The following IFT81 variants were observed in gnomAD, a reference collection of about 807,000 sequenced individuals.
The protein encoded by IFT81 is intraflagellar transport protein 81 homolog.
A neutral mutation model predicts 102.6 loss-of-function variants in IFT81; 72 were observed. That is an observed-to-expected ratio of 0.70 (90% CI 0.58 to 0.85). IFT81 has a LOEUF of 0.85. Among genes scored for constraint, IFT81 ranks in the 40% least tolerant of loss-of-function variants. The pLI, the probability that IFT81 is intolerant of heterozygous loss-of-function variation, is 0.00. For missense variants in IFT81, 723 were observed against 787.3 expected (o/e 0.92, Z 0.98); for synonymous variants, 237 against 242.7 (o/e 0.98, Z 0.22).
rs993252786 is a variant in IFT81, at chr12:110,139,942, G to A, written c.781+3082G>A. Among the ~76,000 whole-genome samples, 3 of 149,802 alleles carry A rather than the reference G, an allele frequency of 2.0e-5. No homozygotes were observed. The Middle Eastern group carries it at 0.011, about 543-fold the overall frequency. On this transcript the variant is annotated intron_variant, in intron 8 of 18. Transcript: ENST00000242591. The stretch of plus-strand genomic sequence containing the variant: ...TTAGCTGGGCATGGTGGTACATGCC[G>A]ATAGTCCTAGCTGTCCAGGAGCCTG...
rs1021652842 is a variant in IFT81 at position 110,186,682 on chromosome 12, T to TTG, written c.1339-4226_1339-4225dup. Among the ~76,000 whole-genome samples, 16 of 151,958 alleles carry TTG rather than the reference T, an allele frequency of 1.1e-4. No individual in the cohort carries two copies. The East Asian group carries it at 2.1e-3, about 20-fold the overall frequency. On this transcript the variant is annotated intron_variant, in intron 12 of 18. Coordinates refer to ENST00000242591, the MANE Select transcript of IFT81 (RefSeq NM_014055.4). ...GCCCGAGCCACCATGCTCAGCCATT[T>TTG]TGTGTGTGTGTGTATTTTTGGTAGT...
chr12:110,128,827 CTT>C (rs939088869), intron 3 of IFT81, 121 bp from the exon 4 acceptor site: 10 of 281,666 alleles, frequency 3.6e-5, no homozygotes, highest in Non-Finnish European at 6.6e-5. Flanking sequence ...TTGGGTTTAT[CTT>C]TTTTAAAAAG....
chr12:110,186,767 A>T (rs2137534656), intron 12 of IFT81, among the ~76,000 whole-genome samples: 1 of 151,976 alleles, frequency 6.6e-6, no homozygotes, highest in South Asian at 2.1e-4. Flanking sequence ...CTGGGTCCAA[A>T]CGATCCACCT....
intron 17 of IFT81, among the ~76,000 whole-genome samples, chr12:110,208,917 T>C (rs1025635998): frequency 1.3e-5 from 2 of 152,202 alleles, no homozygotes; most frequent in African/African-American, 4.8e-5. Context: ...CCAGAAATAG[T>C]ATTTAACATT....
At chr12:110,127,051 C>T (rs1157540527) in intron 1 of IFT81, among the ~76,000 whole-genome samples, 5 of 152,068 alleles carry the variant, frequency 3.3e-5, no homozygotes, top group Non-Finnish European at 7.4e-5. Flanking sequence ...AAATTATGCA[C>T]CGGTATGGGA....
chr12:110,164,263 A>G (rs1896315145), intron 11 of IFT81, among the ~76,000 whole-genome samples: 1 of 152,220 alleles, frequency 6.6e-6, no homozygotes, highest in Non-Finnish European at 1.5e-5. Context: ...AGTGGGACAA[A>G]TAATATTTTT....
rs1893684111 is a variant in IFT81 at position 110,124,359 on chromosome 12, T to G, written c.-524T>G. 1 of 151,784 alleles carries G rather than the reference T, an allele frequency of 6.6e-6. No individual in the cohort carries two copies. The highest frequency in any genetic ancestry group is 2.4e-5 in the African/African-American group (1 of 41,342). 9.4% of individuals were successfully genotyped at this position (151,784 alleles called of 1,614,324 possible). On this transcript the variant is annotated 5_prime_UTR_variant, in exon 1 of 19. Transcript: ENST00000242591. ...CGTAACTCTACGGCCTAGCAACCGT[T>G]GCCAAGGAGCTCGACTCTGGGAGCG...
At chr12:110,155,867 A>G (rs914180940) in intron 10 of IFT81, among the ~76,000 whole-genome samples, 16 of 151,992 alleles carry the variant, frequency 1.1e-4, no homozygotes, top group Non-Finnish European at 1.3e-4. Context: ...TGTGGTTACC[A>G]TGGGGATTAC....
intron 14 of IFT81, among the ~76,000 whole-genome samples, chr12:110,199,919 G>C (rs566340208): frequency 1.3e-5 from 2 of 152,262 alleles, no homozygotes; most frequent in South Asian, 2.1e-4. Context: ...AACAACTTAA[G>C]GTTTACTATG....
intron 18 of IFT81, among the ~76,000 whole-genome samples, chr12:110,212,555 T>TCC (rs1461577458): frequency 6.9e-6 from 1 of 144,672 alleles, no homozygotes; most frequent in African/African-American, 2.6e-5. Flanking sequence ...AAAAAAAGCA[T>TCC]CCCAGGTGCA....
intron 4 of IFT81, among the ~76,000 whole-genome samples, chr12:110,130,869 A>G (rs1593275623): frequency 6.6e-6 from 1 of 152,082 alleles, no homozygotes; most frequent in African/African-American, 2.4e-5. Context: ...TTAGCCAGTC[A>G]TTTCAGGAAT....
chr12:110,169,319 A>G (rs1014736354), intron 11 of IFT81: 2 of 152,008 alleles, frequency 1.3e-5, no homozygotes, highest in South Asian at 2.1e-4. Context: ...ATTTCACCCC[A>G]TGTGCCTTTT....
intron 12 of IFT81, among the ~76,000 whole-genome samples, chr12:110,184,102 G>C (rs1278166411): frequency 6.6e-6 from 1 of 152,194 alleles, no homozygotes; most frequent in African/African-American, 2.4e-5. Context: ...TGTAATCCCA[G>C]CACTTTGGGA....
chr12:110,210,007 G>C (rs1869201876), intron 18 of IFT81, among the ~76,000 whole-genome samples: 1 of 152,148 alleles, frequency 6.6e-6, no homozygotes, highest in Non-Finnish European at 1.5e-5. Flanking sequence ...TTAGTTCTCT[G>C]AGCCACTCCT....
intron 8 of IFT81, among the ~76,000 whole-genome samples, chr12:110,141,754 C>T (rs1006300080): frequency 2.6e-5 from 4 of 152,066 alleles, no homozygotes; most frequent in African/African-American, 4.8e-5. Flanking sequence ...TGGTAGTGTG[C>T]GACTAATTCC....
intron 18 of IFT81, among the ~76,000 whole-genome samples, chr12:110,214,153 A>AG (rs1491487974): frequency 6.6e-6 from 1 of 152,210 alleles, no homozygotes; most frequent in Admixed American, 6.5e-5. Context: ...AAGGAAAAAA[A>AG]GAAATAATTT....
chr12:110,191,927 T>G (rs1272689254), intron 13 of IFT81, among the ~76,000 whole-genome samples: 2 of 151,934 alleles, frequency 1.3e-5, no homozygotes, highest in African/African-American at 2.4e-5. Context: ...TCCCAGCACT[T>G]TGGGAGGCCG....
intron 8 of IFT81, among the ~76,000 whole-genome samples, chr12:110,140,633 CAAAG>C (rs891502514): frequency 1.8e-4 from 28 of 152,234 alleles, no homozygotes; most frequent in African/African-American, 6.3e-4. Context: ...ATCTAACAGA[CAAAG>C]AAGTCAGGAT....
chr12:110,173,073 G>A (rs1419322271), intron 11 of IFT81, among the ~76,000 whole-genome samples: 1 of 147,990 alleles, frequency 6.8e-6, no homozygotes, highest in East Asian at 2.0e-4. Flanking sequence ...TGGGAAGTGA[G>A]GAGCCCCTCT....
Sources: allele counts gnomAD v4.1 joint callset (sites outside exome capture counted in the v4.1 genomes callset), GRCh38; gene constraint gnomAD v4.1.1; transcripts MANE v1.5; gene names NCBI Gene and HGNC (gene_info 2026-07-23, HGNC 2026-07-21).